The following OSTN variants were observed in gnomAD, a reference collection of about 807,000 sequenced individuals.
OSTN encodes osteocrin.
OSTN carries 9 observed loss-of-function variants against 12.0 expected under a neutral mutation model. The observed-to-expected ratio is 0.75, with a 90% CI of 0.45 to 1.30. The LOEUF is 1.30. Ranked by LOEUF, OSTN falls within the 50% of genes most tolerant of loss-of-function variation. OSTN has a pLI of 0.00. For synonymous variants in OSTN, 59 were observed against 56.9 expected (o/e 1.04, Z -0.16); for missense variants, 148 against 152.3 (o/e 0.97, Z 0.15).
At chr3:191,227,638 A>C (rs1714946184) in intron 3 of OSTN, among the ~76,000 whole-genome samples, 1 of 152,210 alleles carries the variant, frequency 6.6e-6, no homozygotes, top group Non-Finnish European at 1.5e-5. Context: ...GATAACAAAG[A>C]AATGACTCTT....
At chr3:191,236,971 A>G (rs1715206414) in intron 3 of OSTN, among the ~76,000 whole-genome samples, 1 of 152,172 alleles carries the variant, frequency 6.6e-6, no homozygotes, top group Non-Finnish European at 1.5e-5. Flanking sequence ...GTTGATATAA[A>G]TTACATGCCA....
intron 2 of OSTN, chr3:191,213,212 A>C (rs1714512155): frequency 6.6e-6 from 1 of 152,216 alleles, no homozygotes; most frequent in Non-Finnish European, 1.5e-5. Context: ...TACTAGAGTA[A>C]GAAGGAGGTG....
intron 2 of OSTN, among the ~76,000 whole-genome samples, chr3:191,212,848 G>A (rs1029875935): frequency 3.0e-5 from 4 of 132,936 alleles, no homozygotes; most frequent in African/African-American, 8.2e-5. Flanking sequence ...TTTTGTAAAC[G>A]TTTCCTTTTC....
At chr3:191,225,202 A>C (rs1714878394) in intron 3 of OSTN, among the ~76,000 whole-genome samples, 1 of 152,194 alleles carries the variant, frequency 6.6e-6, no homozygotes, top group South Asian at 2.1e-4. Flanking sequence ...CTCTATAAAC[A>C]AATTCAGTAC....
chr3:191,253,818 G>A (rs1715615198), intron 4 of OSTN, among the ~76,000 whole-genome samples: 1 of 152,196 alleles, frequency 6.6e-6, no homozygotes, highest in East Asian at 1.9e-4. Flanking sequence ...TTCCCCCACA[G>A]AAGACACATT....
At chr3:191,205,678 A>G (rs1305277033) in intron 1 of OSTN, among the ~76,000 whole-genome samples, 1 of 152,048 alleles carries the variant, frequency 6.6e-6, no homozygotes, top group African/African-American at 2.4e-5. Flanking sequence ...TTATTTTTAA[A>G]TTATTAATAT....
intron 4 of OSTN, among the ~76,000 whole-genome samples, chr3:191,258,810 A>G (rs1322805171): frequency 1.3e-5 from 2 of 152,158 alleles, no homozygotes; most frequent in Non-Finnish European, 2.9e-5. Context: ...CTAATGTGCA[A>G]ATGAGTAGCC....
chr3:191,232,778 C>T (rs2108542172), intron 3 of OSTN, among the ~76,000 whole-genome samples: 1 of 151,966 alleles, frequency 6.6e-6, no homozygotes, highest in Middle Eastern at 3.4e-3. Flanking sequence ...CCACACCTGG[C>T]TAATTTTTGT....
At chr3:191,250,728 A>G (rs114181879) in intron 4 of OSTN, among the ~76,000 whole-genome samples, 1,588 of 152,274 alleles carry the variant, frequency 0.01, 24 homozygotes, top group African/African-American at 0.03. Flanking sequence ...TGAAGATTAC[A>G]TTAGATGTTT....
chr3:191,226,708 CAATA>C (rs1056998697), intron 3 of OSTN, among the ~76,000 whole-genome samples: 35 of 152,166 alleles, frequency 2.3e-4, no homozygotes, highest in African/African-American at 8.4e-4. Flanking sequence ...AAGAGAAATT[CAATA>C]AATAGACTCC....
chr3:191,246,061 C>G (rs1469795639), intron 3 of OSTN, among the ~76,000 whole-genome samples: 1 of 88,430 alleles, frequency 1.1e-5, no homozygotes, highest in African/African-American at 4.7e-5. Flanking sequence ...GAGCAAAACT[C>G]TGTCTCAAAA....
intron 2 of OSTN, 97 bp downstream of exon 2, chr3:191,212,731 C>T: frequency 4.0e-6 from 1 of 249,304 alleles, no homozygotes. Flanking sequence ...AAATATATTT[C>T]ATATACGTAA....
chr3:191,227,835 A>T (rs1714951188), intron 3 of OSTN, among the ~76,000 whole-genome samples: 1 of 152,176 alleles, frequency 6.6e-6, no homozygotes, highest in South Asian at 2.1e-4. Context: ...GATATTCAGG[A>T]ACATAAATAT....
At chr3:191,222,627 T>C (rs1339433868) in intron 3 of OSTN, among the ~76,000 whole-genome samples, 2 of 152,138 alleles carry the variant, frequency 1.3e-5, no homozygotes, top group Non-Finnish European at 2.9e-5. Flanking sequence ...TGAGTTAAGA[T>C]TTTGTGGGAC....
At chr3:191,253,483 G>A (rs1715606982) in intron 4 of OSTN, among the ~76,000 whole-genome samples, 1 of 152,180 alleles carries the variant, frequency 6.6e-6, no homozygotes, top group Admixed American at 6.5e-5. Context: ...TAAGGATGAA[G>A]ACCTCAACTT....
intron 3 of OSTN, among the ~76,000 whole-genome samples, chr3:191,248,367 A>T (rs1048708897): frequency 6.6e-6 from 1 of 152,196 alleles, no homozygotes; most frequent in African/African-American, 2.4e-5. Context: ...TACACAGTAA[A>T]TTATAATAGA....
intron 1 of OSTN, among the ~76,000 whole-genome samples, chr3:191,201,209 A>C (rs188099325): frequency 8.5e-5 from 13 of 152,148 alleles, no homozygotes; most frequent in Admixed American, 5.9e-4. Flanking sequence ...CCATCAGCTC[A>C]GACCTTAATA....
chr3:191,229,326 A>G (rs1196987267), intron 3 of OSTN, among the ~76,000 whole-genome samples: 1 of 152,222 alleles, frequency 6.6e-6, no homozygotes, highest in Non-Finnish European at 1.5e-5. Context: ...GTGAATGTGA[A>G]GAGTAACTAT....
chr3:191,203,103 A>G (rs1423272688), intron 1 of OSTN, among the ~76,000 whole-genome samples: 2 of 152,244 alleles, frequency 1.3e-5, no homozygotes, highest in African/African-American at 4.8e-5. Context: ...ATTTTACTGT[A>G]GCTGTAGAAA....
Sources: gnomAD v4.1 joint callset for allele counts (sites outside exome capture counted in the v4.1 genomes callset) on GRCh38, gnomAD v4.1.1 for gene constraint, MANE v1.5 for transcripts, NCBI Gene and HGNC (gene_info 2026-07-23, HGNC 2026-07-21) for gene names.